The following UBASH3B variants were observed in gnomAD, a reference collection of about 807,000 sequenced individuals.
UBASH3B encodes ubiquitin associated and SH3 domain containing B.
UBASH3B carries 37 observed loss-of-function variants against 83.4 expected under a neutral mutation model. The observed-to-expected ratio is 0.44, with a 90% confidence interval of 0.34 to 0.58. The LOEUF is 0.58. Ranked by LOEUF, UBASH3B falls within the 20% of genes least tolerant of loss-of-function variation. The pLI is 0.01. For synonymous variants in UBASH3B, 304 were observed against 318.3 expected, an observed-to-expected ratio of 0.96 and a Z score of 0.48; for missense variants, 657 against 827.2, an observed-to-expected ratio of 0.79 and a Z score of 2.52.
intron 3 of UBASH3B, 24 bp downstream of exon 3, chr11:122,777,234 T>C (rs990371989): frequency 6.3e-7 from 1 of 1,590,488 alleles, no homozygotes; most frequent in African/African-American, 1.4e-5. Flanking sequence ...CCCCCACCCC[T>C]GGGAAGCCTG....
intron 1 of UBASH3B, among the ~76,000 whole-genome samples, chr11:122,755,874 C>T (rs1398432304): frequency 6.6e-6 from 1 of 152,154 alleles, no homozygotes; most frequent in African/African-American, 2.4e-5. Context: ...TTTTCCCATA[C>T]TCACTGATTA....
chr11:122,746,952 GA>G (rs1177931606), intron 1 of UBASH3B, among the ~76,000 whole-genome samples: 1 of 152,188 alleles, frequency 6.6e-6, no homozygotes, highest in Non-Finnish European at 1.5e-5. Context: ...TCATTAGGCA[GA>G]AAAGGGGGAA....
At chr11:122,775,840 A>G (rs1424456749) in intron 1 of UBASH3B, 1 of 188,536 alleles carries the variant, frequency 5.3e-6, no homozygotes, top group African/African-American at 2.4e-5. Flanking sequence ...AAAGGGGCTG[A>G]AAACAAGAAT....
At chr11:122,672,090 A>G (rs1157327719) in intron 1 of UBASH3B, among the ~76,000 whole-genome samples, 3 of 152,016 alleles carry the variant, frequency 2.0e-5, no homozygotes, top group African/African-American at 4.8e-5. Flanking sequence ...GGCTCCTGTT[A>G]GTCCAACAAA....
chr11:122,746,293 C>T (rs976460599), intron 1 of UBASH3B, among the ~76,000 whole-genome samples: 1 of 152,142 alleles, frequency 6.6e-6, no homozygotes, highest in Non-Finnish European at 1.5e-5. Flanking sequence ...ACACAGAGCT[C>T]TTTCGGTAGG....
intron 10 of UBASH3B, among the ~76,000 whole-genome samples, chr11:122,800,074 A>G (rs1361983181): frequency 6.6e-6 from 1 of 152,236 alleles, no homozygotes; most frequent in African/African-American, 2.4e-5. Context: ...CTAGGAAGCC[A>G]GTTACACTAC....
chr11:122,778,631 GTCTC>G (rs747641968), intron 3 of UBASH3B, among the ~76,000 whole-genome samples: 17 of 132,606 alleles, frequency 1.3e-4, no homozygotes, highest in Non-Finnish European at 2.5e-4. Flanking sequence ...TGGATATATA[GTCTC>G]TCTCTGTCAC....
At chr11:122,694,820 G>A (rs1275458203) in intron 1 of UBASH3B, among the ~76,000 whole-genome samples, 1 of 151,990 alleles carries the variant, frequency 6.6e-6, no homozygotes, top group Admixed American at 6.6e-5. Flanking sequence ...GTGTGCCACA[G>A]TGGATTTGAA....
Position 122,810,039 on chromosome 11 carries a change from T to C in UBASH3B, c.*153T>C. ...ACTTAAAGTTCTTAAGATGAGACTG[T>C]GTAAATGAGAGAAAGACTTGATTCA... On this transcript the variant is annotated 3_prime_UTR_variant, in exon 14 of 14. Transcript: ENST00000284273. The C allele has an allele frequency of 3.4e-6, 3 of 894,298 alleles. No homozygotes were observed. The highest frequency in any genetic ancestry group is 4.9e-6 in the Non-Finnish European group (3 of 610,158). 55.4% of individuals were successfully genotyped at this position (894,298 alleles called of 1,614,324 possible).
chr11:122,699,386 A>G (rs1301406835), intron 1 of UBASH3B, among the ~76,000 whole-genome samples: 2 of 152,188 alleles, frequency 1.3e-5, no homozygotes, highest in African/African-American at 4.8e-5. Context: ...TGTTCTTGGC[A>G]TTTCCTGCAA....
At chr11:122,732,474 G>A (rs746211351) in intron 1 of UBASH3B, among the ~76,000 whole-genome samples, 2 of 152,192 alleles carry the variant, frequency 1.3e-5, no homozygotes, top group Non-Finnish European at 2.9e-5. Flanking sequence ...TCTTGCCCAG[G>A]CCCTGCACGT....
intron 1 of UBASH3B, among the ~76,000 whole-genome samples, chr11:122,750,221 C>T (rs898672753): frequency 4.6e-5 from 7 of 152,204 alleles, no homozygotes; most frequent in Non-Finnish European, 1.0e-4. Flanking sequence ...CGGCTCATCA[C>T]CACTGGCCTC....
intron 4 of UBASH3B, chr11:122,782,451 GT>G (rs1860871692): frequency 6.6e-6 from 1 of 152,168 alleles, no homozygotes; most frequent in South Asian, 2.1e-4. Context: ...TGCTGCTGAC[GT>G]CTTGTGGGTA....
chr11:122,740,880 C>G (rs1238954854), intron 1 of UBASH3B, among the ~76,000 whole-genome samples: 1 of 152,168 alleles, frequency 6.6e-6, no homozygotes, highest in East Asian at 1.9e-4. Flanking sequence ...ACAGAACCCA[C>G]TCTTTAGAGC....
At chr11:122,698,171 A>T (rs1863987186) in intron 1 of UBASH3B, among the ~76,000 whole-genome samples, 1 of 152,200 alleles carries the variant, frequency 6.6e-6, no homozygotes, top group African/African-American at 2.4e-5. Context: ...TTGCCAGTAT[A>T]CCTGGCAGAT....
intron 1 of UBASH3B, among the ~76,000 whole-genome samples, chr11:122,741,827 T>C (rs562794244): frequency 6.6e-6 from 1 of 152,246 alleles, no homozygotes; most frequent in East Asian, 1.9e-4. Flanking sequence ...TCCCACGGGT[T>C]CTGCTTCCTG....
Position 122,796,285 on chromosome 11 carries a change from G to A in UBASH3B, c.1234+9G>A, listed in dbSNP as rs1427001237. 5.6e-6 allele frequency: 9 copies of A among 1,613,798 alleles called. No homozygotes were observed. The highest frequency in any genetic ancestry group is 7.6e-6 in the Non-Finnish European group (9 of 1,179,894). ...GTGCTTCGATGCCAAAGGTGAGTTG[G>A]TGGTGGGCCTGCTCAGCACTGCCAT... On this transcript the variant is annotated intron_variant, in intron 8 of 13. Transcript: ENST00000284273.
chr11:122,760,339 C>A (rs534246844), intron 1 of UBASH3B, among the ~76,000 whole-genome samples: 1 of 150,912 alleles, frequency 6.6e-6, no homozygotes, highest in Admixed American at 6.6e-5. Flanking sequence ...GGAAAAGGAA[C>A]CAACAGAGAA....
chr11:122,690,192 A>AAT (rs1863869969), intron 1 of UBASH3B, among the ~76,000 whole-genome samples: 1 of 23,766 alleles, frequency 4.2e-5, no homozygotes, highest in African/African-American at 1.4e-4. Flanking sequence ...ATATATATAT[A>AAT]TATATATATA....
Sources: gnomAD v4.1 joint callset for allele counts (sites outside exome capture counted in the v4.1 genomes callset) on GRCh38, gnomAD v4.1.1 for gene constraint, MANE v1.5 for transcripts, NCBI Gene and HGNC (gene_info 2026-07-23, HGNC 2026-07-21) for gene names.